ROBO2: variants seen among roughly 807,000 people sequenced by gnomAD.
ROBO2 encodes the protein roundabout homolog 2.
In ROBO2, 53 loss-of-function variants were observed where a neutral mutation model predicts 160.8. That is an observed-to-expected ratio of 0.33 (90% CI 0.26 to 0.41). The LOEUF is 0.41. ROBO2 is among the 10% of genes least tolerant of loss of function. The pLI is 1.00. For missense variants in ROBO2, 1,577 were observed against 1,722.4 expected (o/e 0.92, Z 1.49); for synonymous variants, 664 against 611.7 (o/e 1.09, Z -1.26).
intron 2 of ROBO2, among the ~76,000 whole-genome samples, chr3:77,154,635 G>A (rs773660760): frequency 3.5e-4 from 53 of 152,080 alleles, no homozygotes; most frequent in Middle Eastern, 3.4e-3. Flanking sequence ...GACCATCGGC[G>A]GTGGACTGTA....
At chr3:76,553,426 GA>G (rs1174461814) in intron 2 of ROBO2, among the ~76,000 whole-genome samples, 1 of 152,132 alleles carries the variant, frequency 6.6e-6, no homozygotes, top group African/African-American at 2.4e-5. Flanking sequence ...TTAATGACCA[GA>G]AGGTCATTGT....
intron 2 of ROBO2, among the ~76,000 whole-genome samples, chr3:76,227,725 T>C (rs1252461332): frequency 6.6e-6 from 1 of 152,186 alleles, no homozygotes; most frequent in Non-Finnish European, 1.5e-5. Context: ...CGGAGTCACC[T>C]TAATTTTAGA....
At chr3:77,340,273 A>G (rs921986519) in intron 2 of ROBO2, among the ~76,000 whole-genome samples, 12 of 152,124 alleles carry the variant, frequency 7.9e-5, no homozygotes, top group South Asian at 6.2e-4. Context: ...TTTACTAGCA[A>G]TAGAATTAGT....
In ROBO2 at chr3:76,729,424, T is replaced by A. The variant is rs150066650; in HGVS notation, c.110-368590T>A. Among the ~76,000 whole-genome samples the A allele has an allele frequency of 1.4e-3, 215 of 152,262 alleles. 8 individuals are homozygous for A. In the East Asian group the frequency reaches 0.031, roughly 22 times the overall value. ...ATAGTTACAGATTATTAAATTAAGA[T>A]CACTTTGCAAACCTATGGCAGCTGA... On this transcript the variant is annotated intron_variant, in intron 2 of 26. Coordinates refer to the ROBO2 transcript ENST00000487694.
intron 2 of ROBO2, among the ~76,000 whole-genome samples, chr3:77,390,507 C>T (rs1213153698): frequency 6.6e-6 from 1 of 152,094 alleles, no homozygotes; most frequent in African/African-American, 2.4e-5. Context: ...AGTTTCCCTA[C>T]ATAATCTCTC....
At chr3:76,997,111 A>T (rs115628709) in intron 2 of ROBO2, among the ~76,000 whole-genome samples, 1 of 152,274 alleles carries the variant, frequency 6.6e-6, no homozygotes, top group African/African-American at 2.4e-5. Context: ...ATGCTACTCC[A>T]TATTTTACAG....
chr3:75,946,547 A>C (rs1948300182), intron 2 of ROBO2, among the ~76,000 whole-genome samples: 1 of 152,142 alleles, frequency 6.6e-6, no homozygotes, highest in African/African-American at 2.4e-5. Flanking sequence ...ACTGGCAAGT[A>C]GGAAGGCACT....
At chr3:76,908,173 G>A (rs2075743300) in intron 2 of ROBO2, among the ~76,000 whole-genome samples, 1 of 151,700 alleles carries the variant, frequency 6.6e-6, no homozygotes. Flanking sequence ...TTACAAATAA[G>A]TCAAAAGTCA....
intron 2 of ROBO2, among the ~76,000 whole-genome samples, chr3:76,481,499 T>G (rs1473646529): frequency 6.6e-6 from 1 of 152,136 alleles, no homozygotes; most frequent in Non-Finnish European, 1.5e-5. Context: ...CTTGATATAA[T>G]TTACTGCATG....
intron 2 of ROBO2, among the ~76,000 whole-genome samples, chr3:76,264,760 G>T (rs2107606440): frequency 6.6e-6 from 1 of 152,182 alleles, no homozygotes; most frequent in South Asian, 2.1e-4. Context: ...TAATGCTCTT[G>T]TCCCTGTGTA....
At chr3:75,929,453 C>T (rs1947439033) in intron 1 of ROBO2, among the ~76,000 whole-genome samples, 2 of 152,164 alleles carry the variant, frequency 1.3e-5, no homozygotes, top group Non-Finnish European at 2.9e-5. Context: ...ACAAAACTTG[C>T]TTGATACCAA....
intron 2 of ROBO2, among the ~76,000 whole-genome samples, chr3:76,323,541 A>G (rs2072755481): frequency 6.6e-6 from 1 of 152,206 alleles, no homozygotes; most frequent in South Asian, 2.1e-4. Context: ...TTGATGGTGT[A>G]GAAAAAGCAA....
intron 2 of ROBO2, among the ~76,000 whole-genome samples, chr3:76,493,284 C>A (rs66831153): frequency 0.32 from 46,791 of 144,584 alleles, 8,175 homozygotes; most frequent in Non-Finnish European, 0.39. Flanking sequence ...CTGAAACAAA[C>A]CTGTGGTATT....
intron 1 of ROBO2, among the ~76,000 whole-genome samples, chr3:77,043,603 T>C (rs2064315992): frequency 6.6e-6 from 1 of 152,186 alleles, no homozygotes; most frequent in South Asian, 2.1e-4. Flanking sequence ...ATTAATCACA[T>C]CTAGACTTTT....
rs2066831357 is a variant in ROBO2 at position 76,028,986 on chromosome 3, A to G, written c.109+91384A>G. ...TATGAGCATATTTGCCAAATTGTCT[A>G]AAGACCACTTTTCTTGTTATGCAAA... On this transcript the variant is annotated intron_variant, in intron 2 of 26. Coordinates refer to the ROBO2 transcript ENST00000487694. 2.0e-5 allele frequency among the ~76,000 whole-genome samples: 3 copies of G among 152,158 alleles called. No homozygotes were observed. In the South Asian group the frequency reaches 6.2e-4, roughly 32 times the overall value.
rs140771741 is a variant in ROBO2 at position 76,187,961 on chromosome 3, A to G, written c.109+250359A>G. On this transcript the variant is annotated intron_variant, in intron 2 of 26. Coordinates refer to the ROBO2 transcript ENST00000487694. ...AAAAGCCCCGAATAATATGGACACT[A>G]CATAATTTCTAAACTCACTTAGTGC... 1.4e-3 allele frequency among the ~76,000 whole-genome samples: 214 copies of G among 152,236 alleles called. 1 individual carries two copies. Among genetic ancestry groups the G allele is most frequent in the African/African-American group, 4.9e-3 (204 of 41,566 alleles).
At chr3:76,100,913 A>G (rs553924098) in intron 2 of ROBO2, among the ~76,000 whole-genome samples, 1 of 152,322 alleles carries the variant, frequency 6.6e-6, no homozygotes, top group East Asian at 1.9e-4. Context: ...CATATAGGAT[A>G]CAATTGTGAG....
intron 2 of ROBO2, among the ~76,000 whole-genome samples, chr3:76,704,654 C>T (rs1318464547): frequency 6.6e-6 from 1 of 152,080 alleles, no homozygotes; most frequent in African/African-American, 2.4e-5. Flanking sequence ...CCCACTACTG[C>T]AGATTGGGCT....
chr3:76,642,505 A>T (rs2090742769), intron 2 of ROBO2, among the ~76,000 whole-genome samples: 1 of 151,772 alleles, frequency 6.6e-6, no homozygotes, highest in Non-Finnish European at 1.5e-5. Flanking sequence ...GGCATGCGCC[A>T]CCACGCCCTG....
Sources: allele counts gnomAD v4.1 joint callset (sites outside exome capture counted in the v4.1 genomes callset), GRCh38; gene constraint gnomAD v4.1.1; transcripts MANE v1.5; gene names NCBI Gene and HGNC (gene_info 2026-07-23, HGNC 2026-07-21).